MCC: variants seen among roughly 807,000 people sequenced by gnomAD.
MCC encodes MCC regulator of Wnt signaling pathway, also known as colorectal mutant cancer protein.
In MCC, 90 loss-of-function variants were observed where a neutral mutation model predicts 116.2. The ratio of observed to expected loss-of-function variants is 0.77; its 90% CI spans 0.65 to 0.92. The LOEUF (loss-of-function observed/expected upper bound fraction) is 0.92, where lower values mean the gene tolerates loss of function less well. Among genes scored for constraint, MCC ranks in the 40% least tolerant of loss-of-function variants. MCC has a pLI of 0.00. For missense variants in MCC, 1,516 were observed against 1,312.2 expected, an observed-to-expected ratio of 1.16 and a Z score of -2.40; for synonymous variants, 578 against 510.5, an observed-to-expected ratio of 1.13 and a Z score of -1.78.
intron 13 of MCC, among the ~76,000 whole-genome samples, chr5:113,065,287 G>A (rs577915049): frequency 1.6e-4 from 25 of 152,126 alleles, no homozygotes; most frequent in Non-Finnish European, 3.7e-4. Flanking sequence ...CGTGCATGTT[G>A]AGGGTTGGAG....
chr5:113,270,637 T>C (rs540930902), intron 3 of MCC, among the ~76,000 whole-genome samples: 3 of 148,512 alleles, frequency 2.0e-5, no homozygotes, highest in Non-Finnish European at 4.4e-5. Context: ...TCATGTTTTC[T>C]GATGTGAGGC....
intron 17 of MCC, among the ~76,000 whole-genome samples, chr5:113,034,322 T>C (rs1751173947): frequency 6.6e-6 from 1 of 152,238 alleles, no homozygotes; most frequent in African/African-American, 2.4e-5. Context: ...GGCTTGCCAG[T>C]ACGCTGGGCA....
At chr5:113,294,739 G>A (rs1581379028) in intron 3 of MCC, 3 of 997,410 alleles carry the variant, frequency 3.0e-6, no homozygotes, top group Admixed American at 1.2e-4. Flanking sequence ...GTGCCTCGCC[G>A]CCCCCCATTA....
intron 8 of MCC, among the ~76,000 whole-genome samples, chr5:113,100,913 AGTG>A (rs1756367423): frequency 6.6e-6 from 1 of 152,206 alleles, no homozygotes; most frequent in African/African-American, 2.4e-5. Context: ...TTCTGAGGGA[AGTG>A]TTTGATTGAG....
At position 113,101,912 on chromosome 5, in the gene MCC, C is replaced by T; in HGVS notation, c.1225G>A (p.Asp409Asn). The change falls in exon 8 of 19, where the codon GAC (aspartate) becomes AAC (asparagine). Residue 409 changes from aspartate to asparagine, a missense_variant. By Grantham distance (23) the Asp-to-Asn change is conservative. Coordinates refer to ENST00000408903, the MANE Select transcript of MCC (RefSeq NM_001085377.2). Reference sequence around the variant, plus strand: ...TCTTCAGCCAGGTTGGGATACAGGTCCCGGCCAAGCACCCCCTCAATCTCC... The same window carrying T: ...TCTTCAGCCAGGTTGGGATACAGGTTCCGGCCAAGCACCCCCTCAATCTCC... ...VEEIEGVLGR[D>N]LYPNLAEERS... 6.2e-7 allele frequency: 1 copy of T among 1,614,000 alleles called. No homozygotes were observed. Among genetic ancestry groups the T allele is most frequent in the Non-Finnish European group, 8.5e-7 (1 of 1,180,034 alleles).
chr5:113,260,354 A>G (rs1765174899), intron 3 of MCC, among the ~76,000 whole-genome samples: 1 of 152,188 alleles, frequency 6.6e-6, no homozygotes, highest in South Asian at 2.1e-4. Flanking sequence ...GCGCTTTTGC[A>G]AATCTCTTCA....
intron 1 of MCC, among the ~76,000 whole-genome samples, chr5:113,471,763 C>CAGAGGTGGAGCCTAT (rs1475076186): frequency 2.5e-5 from 1 of 40,616 alleles, no homozygotes; most frequent in Non-Finnish European, 5.2e-5. Flanking sequence ...GCCCTGCCCC[C>CAGAGGTGGAGCCTAT]AGAGAGGCAG....
At chr5:113,209,612 T>G (rs1310013798) in intron 3 of MCC, among the ~76,000 whole-genome samples, 1 of 152,312 alleles carries the variant, frequency 6.6e-6, no homozygotes, top group African/African-American at 2.4e-5. Flanking sequence ...TTATATCAAG[T>G]TGTCAAGCAA....
chr5:113,306,565 T>C (rs1766989623), intron 3 of MCC, among the ~76,000 whole-genome samples: 1 of 152,206 alleles, frequency 6.6e-6, no homozygotes, highest in South Asian at 2.1e-4. Flanking sequence ...ATTTTTAAAT[T>C]GGGTTGTCTT....
At chr5:113,046,089 G>A (rs989608591) in intron 16 of MCC, among the ~76,000 whole-genome samples, 1 of 151,844 alleles carries the variant, frequency 6.6e-6, no homozygotes, top group African/African-American at 2.4e-5. Context: ...TGAAAGGCAA[G>A]ATAATCAGCT....
intron 3 of MCC, among the ~76,000 whole-genome samples, chr5:113,202,862 A>C (rs1425181828): frequency 6.6e-6 from 1 of 152,070 alleles, no homozygotes; most frequent in Non-Finnish European, 1.5e-5. Context: ...CCGTGTTAGA[A>C]GAGTGACTTG....
chr5:113,467,876 G>T (rs1188077518), intron 1 of MCC, among the ~76,000 whole-genome samples: 2 of 152,124 alleles, frequency 1.3e-5, no homozygotes, highest in Non-Finnish European at 1.5e-5. Flanking sequence ...GTGGTTTGTA[G>T]TTCTCCTTGA....
intron 16 of MCC, chr5:113,044,371 T>C (rs1034937242): frequency 1.7e-5 from 8 of 458,344 alleles, no homozygotes; most frequent in East Asian, 1.6e-4. Flanking sequence ...CCAAATCCTA[T>C]AGTTAAGACT....
intron 3 of MCC, among the ~76,000 whole-genome samples, chr5:113,311,711 G>A (rs1027831501): frequency 6.6e-6 from 1 of 152,148 alleles, no homozygotes; most frequent in Admixed American, 6.6e-5. Flanking sequence ...GGTGGCTCAC[G>A]CCTGTAATCC....
chr5:113,221,420 A>G (rs1162014159), intron 3 of MCC, among the ~76,000 whole-genome samples: 1 of 152,214 alleles, frequency 6.6e-6, no homozygotes, highest in Non-Finnish European at 1.5e-5. Flanking sequence ...TAGCTTTGAA[A>G]CGAAGATGAT....
At chr5:113,405,164 A>T (rs1188697330) in intron 1 of MCC, among the ~76,000 whole-genome samples, 2 of 152,258 alleles carry the variant, frequency 1.3e-5, no homozygotes, top group East Asian at 3.8e-4. Flanking sequence ...TAGCTTTGGC[A>T]TCCAGTGCCC....
At chr5:113,164,870 G>C (rs1180390407) in intron 3 of MCC, among the ~76,000 whole-genome samples, 1 of 152,246 alleles carries the variant, frequency 6.6e-6, no homozygotes, top group African/African-American at 2.4e-5. Context: ...ATTGGTACCA[G>C]AGGGAGTTTC....
At chr5:113,280,630 T>A (rs1262529107) in intron 3 of MCC, among the ~76,000 whole-genome samples, 1 of 151,988 alleles carries the variant, frequency 6.6e-6, no homozygotes, top group Non-Finnish European at 1.5e-5. Context: ...AGAAGATGAG[T>A]TGGTGTCACC....
At chr5:113,396,263 A>T (rs1769522452) in intron 1 of MCC, among the ~76,000 whole-genome samples, 1 of 152,062 alleles carries the variant, frequency 6.6e-6, no homozygotes, top group Non-Finnish European at 1.5e-5. Flanking sequence ...AGGAGGTGGA[A>T]GCTGCAGTGA....
Sources: gnomAD v4.1 joint callset for allele counts (sites outside exome capture counted in the v4.1 genomes callset) on GRCh38, gnomAD v4.1.1 for gene constraint, MANE v1.5 for transcripts, NCBI Gene and HGNC (gene_info 2026-07-23, HGNC 2026-07-21) for gene names.